FBLN2: variants seen among roughly 807,000 people sequenced by gnomAD.
FBLN2 encodes the protein fibulin-2.
A neutral mutation model predicts 123.7 loss-of-function variants in FBLN2; 81 were observed. The observed-to-expected ratio is 0.65, with a 90% CI of 0.55 to 0.79. FBLN2 has a LOEUF of 0.79. Ranked by LOEUF, FBLN2 falls within the 30% of genes least tolerant of loss-of-function variation. The pLI is 0.00. For synonymous variants in FBLN2, 699 were observed against 701.4 expected, an observed-to-expected ratio of 1.00 and a Z score of 0.05; for missense variants, 1,603 against 1,681.3, an observed-to-expected ratio of 0.95 and a Z score of 0.81.
chr3:13,623,576 A>C (rs1015122840), intron 9 of FBLN2, among the ~76,000 whole-genome samples: 20 of 152,090 alleles, frequency 1.3e-4, no homozygotes, highest in Non-Finnish European at 2.6e-4. Context: ...ACAAATGTCC[A>C]CTGGGCTCTC....
rs565551675 is a variant in FBLN2, at chr3:13,622,903, T to C, written c.2296+988T>C. On this transcript the variant is annotated intron_variant, in intron 9 of 17. Coordinates refer to ENST00000404922, the MANE Select transcript of FBLN2 (RefSeq NM_001004019.2). ...TCCAGCTGGTGGCATCGGGTTAGCA[T>C]TTGGAAATCAGTAAGGGCATGCAGC... Among the ~76,000 whole-genome samples the C allele has an allele frequency of 2.6e-5, 4 of 152,236 alleles. No individual in the cohort carries two copies. In the East Asian group the frequency reaches 5.8e-4, roughly 22 times the overall value.
chr3:13,628,246 A>G (rs1706119152), intron 11 of FBLN2, among the ~76,000 whole-genome samples: 1 of 152,152 alleles, frequency 6.6e-6, no homozygotes, highest in Non-Finnish European at 1.5e-5. Context: ...GTTGGACTGG[A>G]TACGAATGAG....
At chr3:13,627,091 T>C (rs1574997149) in intron 10 of FBLN2, among the ~76,000 whole-genome samples, 1 of 151,262 alleles carries the variant, frequency 6.6e-6, no homozygotes, top group South Asian at 2.1e-4. Context: ...GGCAGCGGGG[T>C]CCACACAGGC....
At chr3:13,626,706 C>G in intron 10 of FBLN2, 127 bp downstream of exon 10, 5 of 967,194 alleles carry the variant, frequency 5.2e-6, no homozygotes, top group South Asian at 2.4e-5. Context: ...TCTCCATCCC[C>G]TCCTTTCTAG....
intron 2 of FBLN2, among the ~76,000 whole-genome samples, chr3:13,582,556 G>T (rs565992078): frequency 6.6e-6 from 1 of 152,344 alleles, no homozygotes; most frequent in Admixed American, 6.5e-5. Flanking sequence ...TCCATGCTGG[G>T]AAAGTGGGCT....
intron 2 of FBLN2, among the ~76,000 whole-genome samples, chr3:13,576,748 C>T (rs766053224): frequency 1.8e-4 from 27 of 148,112 alleles, no homozygotes; most frequent in South Asian, 4.2e-4. Context: ...ACTCATTTAT[C>T]CACCCAGTAT....
intron 1 of FBLN2, chr3:13,566,622 T>G (rs1441359576): frequency 6.6e-6 from 1 of 152,096 alleles, no homozygotes; most frequent in Non-Finnish European, 1.5e-5. Context: ...TCCTTTCCCC[T>G]CCTGAGTGGA....
intron 2 of FBLN2, among the ~76,000 whole-genome samples, chr3:13,573,763 C>T (rs546444685): frequency 7.5e-4 from 114 of 152,132 alleles, no homozygotes; most frequent in Non-Finnish European, 1.2e-3. Context: ...ATTAGTCTGG[C>T]GTGGTGGCAG....
At chr3:13,630,010 A>C (rs1423108958) in intron 14 of FBLN2, 65 bp downstream of exon 14, 1 of 1,588,864 alleles carries the variant, frequency 6.3e-7, no homozygotes, top group African/African-American at 1.3e-5. Context: ...CCCGCCGTGG[A>C]AGGCCCAGAG....
chr3:13,609,969 A>G (rs991791081), intron 4 of FBLN2, among the ~76,000 whole-genome samples: 5 of 152,216 alleles, frequency 3.3e-5, no homozygotes, highest in African/African-American at 1.2e-4. Flanking sequence ...ATCACGATGA[A>G]TATTTTAGCA....
chr3:13,628,795 G>A, intron 11 of FBLN2, 110 bp from the exon 12 acceptor site: 1 of 1,309,216 alleles, frequency 7.6e-7, no homozygotes, highest in Non-Finnish European at 1.0e-6. Flanking sequence ...ACTCTGACCA[G>A]GGCAGGTCTG....
intron 2 of FBLN2, among the ~76,000 whole-genome samples, chr3:13,586,376 G>A (rs1279248100): frequency 1.3e-5 from 2 of 151,756 alleles, no homozygotes; most frequent in East Asian, 3.9e-4. Context: ...GTAGAGACGG[G>A]GTTACACCAT....
At chr3:13,569,001 T>C (rs1574948435) in intron 1 of FBLN2, 1 of 985,860 alleles carries the variant, frequency 1.0e-6, no homozygotes, top group Non-Finnish European at 1.2e-6. Flanking sequence ...CACTGCCCTA[T>C]GGGGCTGCGC....
intron 3 of FBLN2, 25 bp from the exon 4 acceptor site, chr3:13,609,488 G>T (rs1196701559): frequency 1.1e-5 from 17 of 1,524,334 alleles, no homozygotes; most frequent in Non-Finnish European, 1.5e-5. Flanking sequence ...GGCGACTGGG[G>T]GCTAAGTTAC....
intron 2 of FBLN2, 110 bp downstream of exon 2, chr3:13,571,771 G>A: frequency 7.8e-7 from 1 of 1,275,144 alleles, no homozygotes; most frequent in Non-Finnish European, 1.0e-6. Context: ...GGACTGTGGG[G>A]CCAGGCCTAG....
chr3:13,580,718 G>A (rs1244195323), intron 2 of FBLN2, among the ~76,000 whole-genome samples: 5 of 152,160 alleles, frequency 3.3e-5, no homozygotes, highest in Admixed American at 6.5e-5. Flanking sequence ...TGCCATTCTC[G>A]CTAAACCAAT....
intron 2 of FBLN2, among the ~76,000 whole-genome samples, chr3:13,600,759 G>T (rs1705006444): frequency 6.6e-6 from 1 of 152,046 alleles, no homozygotes; most frequent in Non-Finnish European, 1.5e-5. Context: ...GGGATTACAG[G>T]TGCCCACCAC....
At position 13,601,862 on chromosome 3, in the gene FBLN2, A is replaced by G. The variant is rs374879954; in HGVS notation, c.1307-6200A>G. Among the ~76,000 whole-genome samples, 21 of 152,372 alleles carry G rather than the reference A, an allele frequency of 1.4e-4. No homozygotes were observed. The South Asian group carries it at 3.9e-3, about 29-fold the overall frequency. On this transcript the variant is annotated intron_variant, in intron 2 of 17. Coordinates refer to ENST00000404922, the MANE Select transcript of FBLN2 (RefSeq NM_001004019.2). Reference sequence around the variant, plus strand: ...ACCCAAGTTGAAGTGCAGTGGCACAAGCATGGCTCACTGAAGCCTCCATCT... The same window carrying G: ...ACCCAAGTTGAAGTGCAGTGGCACAGGCATGGCTCACTGAAGCCTCCATCT...
Position 13,585,278 on chromosome 3 carries a change from C to T in FBLN2, c.1306+13617C>T, listed in dbSNP as rs61165634. ...GCTGGTGAGCGTGTTACCCTGACCT[C>T]TCCTAGGCACCTTTGATCAGTGCTG... On this transcript the variant is annotated intron_variant, in intron 2 of 17. Coordinates refer to ENST00000404922, the MANE Select transcript of FBLN2 (RefSeq NM_001004019.2). Among the ~76,000 whole-genome samples, 73 of 152,264 alleles carry T rather than the reference C, an allele frequency of 4.8e-4. No individual in the cohort carries two copies. In the East Asian group the frequency reaches 0.013, roughly 27 times the overall value.
Sources: gnomAD v4.1 joint callset for allele counts (sites outside exome capture counted in the v4.1 genomes callset) on GRCh38, gnomAD v4.1.1 for gene constraint, MANE v1.5 for transcripts, NCBI Gene and HGNC (gene_info 2026-07-23, HGNC 2026-07-21) for gene names.